The following NR3C1 variants were observed in gnomAD, a reference collection of about 807,000 sequenced individuals.
The protein encoded by NR3C1 is nuclear receptor subfamily 3 group C member 1.
A neutral mutation model predicts 74.0 loss-of-function variants in NR3C1; 14 were observed. The ratio of observed to expected loss-of-function variants is 0.19; its 90% CI spans 0.12 to 0.30. NR3C1 has a LOEUF of 0.30. Ranked by LOEUF, NR3C1 falls within the 10% of genes least tolerant of loss-of-function variation. NR3C1 has a pLI of 1.00. For synonymous variants in NR3C1, 308 were observed against 332.5 expected, an observed-to-expected ratio of 0.93 and a Z score of 0.80; for missense variants, 695 against 909.8, an observed-to-expected ratio of 0.76 and a Z score of 3.04.
In NR3C1 at chr5:143,295,603, A is replaced by G. The variant is rs779999999; in HGVS notation, c.1893-13T>C. 1 of 1,605,788 alleles carries G rather than the reference A, an allele frequency of 6.2e-7. No homozygotes were observed. The highest frequency in any genetic ancestry group is 8.5e-7 in the Non-Finnish European group (1 of 1,173,114). On this transcript the variant is annotated splice_polypyrimidine_tract_variant and intron_variant, in intron 6 of 8. Transcript: ENST00000394464. ...AGTCATTCTCTGCCTGTGAAAGATA[A>G]ATAGCAGGGTATTAGTTAGAAATAC...
At chr5:143,419,698 C>T (rs1285847493) in intron 1 of NR3C1, among the ~76,000 whole-genome samples, 1 of 152,084 alleles carries the variant, frequency 6.6e-6, no homozygotes, top group East Asian at 1.9e-4. Flanking sequence ...TATCACAAGG[C>T]AAATGGAGGC....
intron 2 of NR3C1, among the ~76,000 whole-genome samples, chr5:143,374,868 A>C (rs1245944122): frequency 6.6e-6 from 1 of 152,192 alleles, no homozygotes; most frequent in Non-Finnish European, 1.5e-5. Context: ...GCACACATAC[A>C]TGCACTCACA....
intron 2 of NR3C1, among the ~76,000 whole-genome samples, chr5:143,354,225 G>GT (rs1830715873): frequency 1.3e-5 from 2 of 152,322 alleles, no homozygotes; most frequent in African/African-American, 4.8e-5. Flanking sequence ...AACTTTCTTC[G>GT]TATCAGCAAG....
chr5:143,284,978 G>A (rs1380787094), intron 7 of NR3C1, among the ~76,000 whole-genome samples: 1 of 150,916 alleles, frequency 6.6e-6, no homozygotes, highest in Non-Finnish European at 1.5e-5. Context: ...TACTGGAAAC[G>A]AAGGAGGTAC....
chr5:143,426,115 A>G (rs925598553), intron 1 of NR3C1, among the ~76,000 whole-genome samples: 3 of 152,194 alleles, frequency 2.0e-5, no homozygotes, highest in African/African-American at 7.2e-5. Context: ...GGAAGGTGCC[A>G]GACACAAAAG....
chr5:143,363,498 A>AGGAG (rs1411728342), intron 2 of NR3C1, among the ~76,000 whole-genome samples: 1 of 152,128 alleles, frequency 6.6e-6, no homozygotes, highest in Admixed American at 6.5e-5. Context: ...GCGTGAACCC[A>AGGAG]GGAGGTGGAG....
intron 1 of NR3C1, among the ~76,000 whole-genome samples, chr5:143,419,920 T>C (rs1403555856): frequency 4.6e-5 from 7 of 152,216 alleles, no homozygotes; most frequent in Non-Finnish European, 7.4e-5. Flanking sequence ...GTTTCAACCA[T>C]AGAAGACAGC....
chr5:143,404,543 G>C, upstream of NR3C1: 1 of 953,474 alleles, frequency 1.0e-6, no homozygotes, highest in Non-Finnish European at 1.2e-6. Context: ...CCCCGAGTCT[G>C]CGAGGCGGCG....
chr5:143,372,961 A>C (rs1834479382), intron 2 of NR3C1, among the ~76,000 whole-genome samples: 2 of 152,238 alleles, frequency 1.3e-5, no homozygotes, highest in Non-Finnish European at 2.9e-5. Flanking sequence ...ATTAAAACAA[A>C]ACAAGCAAAA....
intron 4 of NR3C1, among the ~76,000 whole-genome samples, chr5:143,301,550 T>C (rs1002017769): frequency 6.6e-5 from 10 of 152,178 alleles, no homozygotes; most frequent in East Asian, 1.9e-4. Context: ...TGACTTGGTA[T>C]GGAACCATCT....
Position 143,422,208 on chromosome 5 carries a change from T to A in NR3C1, c.-14+12324A>T, listed in dbSNP as rs190312716. On this transcript the variant is annotated intron_variant, in intron 1 of 8. Transcript: ENST00000343796. ...TTGAAGCATTGATTTTCATCTGAGT[T>A]GCCCATCAGATCATTTGGGAATTTG... Among the ~76,000 whole-genome samples the A allele has an allele frequency of 2.6e-5, 4 of 152,300 alleles. No individual in the cohort carries two copies. In the East Asian group the frequency reaches 7.7e-4, roughly 29 times the overall value.
At chr5:143,404,550 G>C, upstream of NR3C1, 1 of 969,894 alleles carries the variant, frequency 1.0e-6, no homozygotes, top group Non-Finnish European at 1.2e-6. Context: ...TCTGCGAGGC[G>C]GCGGCGGCGG....
At chr5:143,424,622 C>A (rs1751436692) in intron 1 of NR3C1, among the ~76,000 whole-genome samples, 1 of 152,082 alleles carries the variant, frequency 6.6e-6, no homozygotes, top group South Asian at 2.1e-4. Context: ...CCTTATATGG[C>A]ATTATAGTCT....
At chr5:143,408,830 G>T (rs908157797) in intron 1 of NR3C1, among the ~76,000 whole-genome samples, 1 of 151,936 alleles carries the variant, frequency 6.6e-6, no homozygotes, top group African/African-American at 2.4e-5. Context: ...AATAATTTTC[G>T]TGCAGATTTC....
intron 2 of NR3C1, among the ~76,000 whole-genome samples, chr5:143,384,976 T>C (rs1031325700): frequency 1.3e-5 from 2 of 152,234 alleles, no homozygotes; most frequent in Non-Finnish European, 2.9e-5. Context: ...TGCATGGACA[T>C]CCAGGCATTT....
At chr5:143,302,676 A>G (rs1377410037) in intron 4 of NR3C1, among the ~76,000 whole-genome samples, 1 of 152,072 alleles carries the variant, frequency 6.6e-6, no homozygotes, top group African/African-American at 2.4e-5. Context: ...GAGAAAACTG[A>G]TGTTTTTCAA....
chr5:143,385,053 C>T, intron 2 of NR3C1, among the ~76,000 whole-genome samples: 1 of 152,314 alleles, frequency 6.6e-6, no homozygotes, highest in South Asian at 2.1e-4. Flanking sequence ...CACCCATAGG[C>T]CCAACACCAC....
At chr5:143,387,190 C>T (rs945292983) in intron 2 of NR3C1, among the ~76,000 whole-genome samples, 13 of 152,172 alleles carry the variant, frequency 8.5e-5, no homozygotes, top group African/African-American at 2.9e-4. Flanking sequence ...GCCTTTCTAC[C>T]TTACTCTTAA....
rs992342252 is a variant in NR3C1 at position 143,281,611 on chromosome 5, G to T, written c.*278C>A. ...GGTGCCATCCTTCTTTGACTGTGGA[G>T]ATTACGTCCACATATTAAGGTTTCT... is the stretch of plus-strand genomic sequence containing the variant. On this transcript the variant is annotated 3_prime_UTR_variant, in exon 9 of 9. Transcript: ENST00000394464. 2 of 373,352 alleles carry T rather than the reference G, an allele frequency of 5.4e-6. No individual in the cohort carries two copies. The highest frequency in any genetic ancestry group is 4.2e-5 in the African/African-American group (2 of 47,980). The allele number at this position is 373,352 out of a possible 1,614,324, so 23.1% of individuals were successfully genotyped here.
Sources: gnomAD v4.1 joint callset for allele counts (sites outside exome capture counted in the v4.1 genomes callset) on GRCh38, gnomAD v4.1.1 for gene constraint, MANE v1.5 for transcripts, NCBI Gene and HGNC (gene_info 2026-07-23, HGNC 2026-07-21) for gene names.